The following INTU variants were observed in gnomAD, a reference collection of about 807,000 sequenced individuals.
INTU encodes the protein inturned planar cell polarity protein.
A neutral mutation model predicts 100.5 loss-of-function variants in INTU; 68 were observed. The observed-to-expected ratio is 0.68, with a 90% CI of 0.56 to 0.83. The LOEUF (loss-of-function observed/expected upper bound fraction) is 0.83, where lower values mean the gene tolerates loss of function less well. INTU is among the 40% of genes least tolerant of loss of function. The pLI is 0.00. For synonymous variants in INTU, 357 were observed against 395.7 expected (o/e 0.90, Z 1.16); for missense variants, 1,071 against 1,114.7 (o/e 0.96, Z 0.56).
chr4:127,712,172 G>T (rs1230247430), intron 14 of INTU, among the ~76,000 whole-genome samples: 1 of 152,126 alleles, frequency 6.6e-6, no homozygotes, highest in Non-Finnish European at 1.5e-5. Flanking sequence ...AGGAATCCTG[G>T]ACTGAGCCTC....
At chr4:127,710,876 TTC>T in intron 13 of INTU, 35 bp from the exon 14 acceptor site, 1 of 1,336,858 alleles carries the variant, frequency 7.5e-7, no homozygotes, top group African/African-American at 1.5e-5. Context: ...TTACTAAAAT[TTC>T]TTTTTTCTTC....
At chr4:127,695,635 A>G (rs549437516) in intron 8 of INTU, among the ~76,000 whole-genome samples, 23 of 152,172 alleles carry the variant, frequency 1.5e-4, no homozygotes, top group Non-Finnish European at 2.4e-4. Context: ...TGTGTAAACA[A>G]TCATGTCATC....
intron 8 of INTU, among the ~76,000 whole-genome samples, chr4:127,695,036 G>T (rs1247537305): frequency 6.6e-6 from 1 of 152,102 alleles, no homozygotes. Flanking sequence ...TTGGAATTTT[G>T]ATTGGGATTG....
chr4:127,641,199 C>T (rs189202330), intron 1 of INTU, among the ~76,000 whole-genome samples: 4 of 152,258 alleles, frequency 2.6e-5, no homozygotes, highest in South Asian at 2.1e-4. Context: ...AATCCACCAA[C>T]GATTTACTTG....
At chr4:127,671,171 A>C (rs557443242) in intron 5 of INTU, among the ~76,000 whole-genome samples, 1 of 152,234 alleles carries the variant, frequency 6.6e-6, no homozygotes, top group East Asian at 1.9e-4. Context: ...CAGAGTCAAT[A>C]GATAGCCTGC....
chr4:127,708,340 G>T (rs1027846872), intron 12 of INTU, among the ~76,000 whole-genome samples: 9 of 152,136 alleles, frequency 5.9e-5, no homozygotes, highest in African/African-American at 2.2e-4. Context: ...ATTTGGTAAT[G>T]GCTCTGGTAG....
chr4:127,658,852 C>G (rs138834213), intron 3 of INTU, among the ~76,000 whole-genome samples: 1 of 152,182 alleles, frequency 6.6e-6, no homozygotes, highest in Admixed American at 6.5e-5. Flanking sequence ...ATTGTATGCA[C>G]GATTTCTATT....
Position 127,710,965 on chromosome 4 carries a change from G to C in INTU, c.2422G>C (p.Val808Leu). The C allele has an allele frequency of 1.3e-6, 2 of 1,583,610 alleles. No individual in the cohort carries two copies. The highest frequency in any genetic ancestry group is 1.7e-6 in the Non-Finnish European group (2 of 1,159,734). The change falls in exon 14 of 16, where the codon GTG (valine) becomes CTG (leucine). Residue 808 changes from valine (V) to leucine (L), a missense_variant. Physicochemically the swap from Val to Leu is conservative, Grantham distance 32. Transcript: ENST00000335251. ...TLFHYVALET[V>L]QGIFITPTLE... ...TTTCCACTACGTTGCCTTAGAAACA[G>C]TGCAAGGAATCTTTATTACTCCTAC...
chr4:127,698,331 G>A (rs1394036370), intron 8 of INTU, among the ~76,000 whole-genome samples: 4 of 151,776 alleles, frequency 2.6e-5, no homozygotes, highest in East Asian at 1.9e-4. Flanking sequence ...GCGTGGTGGC[G>A]GGCGCCTGTA....
chr4:127,699,669 A>G (rs575607303), intron 8 of INTU, among the ~76,000 whole-genome samples: 1 of 152,376 alleles, frequency 6.6e-6, no homozygotes, highest in South Asian at 2.1e-4. Flanking sequence ...CTAACTTAAA[A>G]CTGGAAAGCA....
At chr4:127,693,360 T>C (rs866362862) in intron 8 of INTU, among the ~76,000 whole-genome samples, 33 of 152,312 alleles carry the variant, frequency 2.2e-4, no homozygotes, top group Non-Finnish European at 4.4e-4. Flanking sequence ...GAGTTCTTGA[T>C]TTGATTCTCA....
intron 8 of INTU, among the ~76,000 whole-genome samples, chr4:127,696,992 T>A (rs1186727254): frequency 6.6e-6 from 1 of 152,182 alleles, no homozygotes; most frequent in Non-Finnish European, 1.5e-5. Context: ...CCTATCCGTT[T>A]AAATTGCCAA....
intron 12 of INTU, among the ~76,000 whole-genome samples, chr4:127,708,122 C>T (rs1264574834): frequency 6.6e-6 from 1 of 152,112 alleles, no homozygotes; most frequent in African/African-American, 2.4e-5. Flanking sequence ...AAGATTTGGA[C>T]AGATTAAAGA....
intron 8 of INTU, among the ~76,000 whole-genome samples, chr4:127,691,976 A>G (rs1333813716): frequency 7.0e-6 from 1 of 143,252 alleles, no homozygotes; most frequent in African/African-American, 2.6e-5. Context: ...ATATATATAT[A>G]TATATGTCAC....
chr4:127,720,774 G>A lies in INTU; in HGVS notation c.*4338G>A, dbSNP rs1173704520. On this transcript the variant is annotated 3_prime_UTR_variant, in exon 16 of 16. Transcript: ENST00000335251. ...TAATCTTTATTCGTTTAAAGTCTTT[G>A]TCAGAAACTAGGATTGCAGCCTCTC... The A allele has an allele frequency of 2.0e-5, 3 of 151,530 alleles. No homozygotes were observed. The highest frequency in any genetic ancestry group is 2.0e-4 in the Admixed American group (3 of 15,210). 9.4% of individuals were successfully genotyped at this position (151,530 alleles called of 1,614,324 possible).
At chr4:127,682,914 T>C (rs927314612) in intron 6 of INTU, among the ~76,000 whole-genome samples, 2 of 152,050 alleles carry the variant, frequency 1.3e-5, no homozygotes, top group Non-Finnish European at 2.9e-5. Context: ...AGAAAGAGAA[T>C]ACAGTGGTGA....
intron 2 of INTU, among the ~76,000 whole-genome samples, 157 bp from the exon 3 acceptor site, chr4:127,656,479 A>C (rs546548234): frequency 1.3e-5 from 2 of 152,220 alleles, no homozygotes; most frequent in African/African-American, 4.8e-5. Context: ...CCCTGCCACC[A>C]ATGAGCTGTA....
rs190222466 is a variant in INTU, at chr4:127,706,440, T to C, written c.1789-47T>C. 1.1e-4 allele frequency: 160 copies of C among 1,488,426 alleles called. 1 individual carries two copies. In the East Asian group the frequency reaches 3.5e-3, roughly 32 times the overall value. The allele number at this position is 1,488,426 out of a possible 1,614,324, so 92.2% of individuals were successfully genotyped here. A position where few individuals can be genotyped will look rare whatever the true frequency, so the allele number is the denominator to read the frequency against. ...TTTATACATGCACATTTTATGTAAA[T>C]ATTTTCATGGTAGCTAAACCTACAT... On this transcript the variant is annotated intron_variant, in intron 11 of 15. Coordinates refer to ENST00000335251, the MANE Select transcript of INTU (RefSeq NM_015693.4).
intron 4 of INTU, among the ~76,000 whole-genome samples, chr4:127,664,091 A>T (rs1434464451): frequency 2.6e-5 from 4 of 152,082 alleles, no homozygotes; most frequent in South Asian, 2.1e-4. Context: ...CTTTTAATGC[A>T]GGGGGATGTA....
Sources: gnomAD v4.1 joint callset for allele counts (sites outside exome capture counted in the v4.1 genomes callset) on GRCh38, gnomAD v4.1.1 for gene constraint, MANE v1.5 for transcripts, NCBI Gene and HGNC (gene_info 2026-07-23, HGNC 2026-07-21) for gene names.